HS6ST3: variants seen among roughly 807,000 people sequenced by gnomAD.
HS6ST3 encodes the protein heparan-sulfate 6-O-sulfotransferase 3.
Under a neutral mutation model 36.7 loss-of-function variants are expected in HS6ST3, and 12 were observed. The observed-to-expected ratio is 0.33, with a 90% CI of 0.21 to 0.53. The LOEUF is 0.53. HS6ST3 is among the 20% of genes least tolerant of loss of function. The probability of loss-of-function intolerance (pLI) is 0.95; values close to 1 mark genes in which losing one functional copy is unlikely to be tolerated. For synonymous variants in HS6ST3, 240 were observed against 257.5 expected, an observed-to-expected ratio of 0.93 and a Z score of 0.65; for missense variants, 584 against 640.9, an observed-to-expected ratio of 0.91 and a Z score of 0.96.
intron 1 of HS6ST3, among the ~76,000 whole-genome samples, chr13:96,600,354 A>G (rs1333793607): frequency 6.6e-6 from 1 of 151,660 alleles, no homozygotes; most frequent in Non-Finnish European, 1.5e-5. Flanking sequence ...ACACACACAC[A>G]CACACATATA....
chr13:96,471,407 G>T (rs2055839532), intron 1 of HS6ST3, among the ~76,000 whole-genome samples: 1 of 152,178 alleles, frequency 6.6e-6, no homozygotes, highest in Non-Finnish European at 1.5e-5. Context: ...AGAGACAAGT[G>T]GTAGAAACGT....
chr13:96,111,939 T>C (rs1566884625), intron 1 of HS6ST3, among the ~76,000 whole-genome samples: 1 of 152,172 alleles, frequency 6.6e-6, no homozygotes, highest in Non-Finnish European at 1.5e-5. Context: ...AAGAAATTAC[T>C]AGTCCTTTTT....
chr13:96,255,593 G>A (rs915330437), intron 1 of HS6ST3, among the ~76,000 whole-genome samples: 2 of 152,084 alleles, frequency 1.3e-5, no homozygotes, highest in Non-Finnish European at 2.9e-5. Context: ...TAACATTGGG[G>A]CAGGCCTTCT....
chr13:96,284,910 GCTTTCTTTCTTTCTTT>G (rs71740033), intron 1 of HS6ST3, among the ~76,000 whole-genome samples: 8,425 of 134,364 alleles, frequency 0.063, 360 homozygotes, highest in African/African-American at 0.11. Flanking sequence ...ATGCATATTT[GCTTTCTTTCTTTCTTT>G]CTTTCTTTCT....
At chr13:96,290,926 A>G (rs1180514521) in intron 1 of HS6ST3, among the ~76,000 whole-genome samples, 3 of 152,088 alleles carry the variant, frequency 2.0e-5, no homozygotes, top group Admixed American at 2.0e-4. Flanking sequence ...CCTCTATCCC[A>G]GGGCCTTTGC....
intron 1 of HS6ST3, among the ~76,000 whole-genome samples, chr13:96,454,515 A>G (rs1029143017): frequency 2.0e-5 from 3 of 152,144 alleles, no homozygotes; most frequent in Admixed American, 6.5e-5. Context: ...TACTAACTAT[A>G]TGTCAGATCA....
chr13:96,116,226 G>C (rs974072527), intron 1 of HS6ST3, among the ~76,000 whole-genome samples: 4 of 152,092 alleles, frequency 2.6e-5, no homozygotes, highest in African/African-American at 9.7e-5. Flanking sequence ...TTCACTTACT[G>C]GCTTCTTTTA....
chr13:96,237,725 G>T (rs1484707212), intron 1 of HS6ST3, among the ~76,000 whole-genome samples: 2 of 152,182 alleles, frequency 1.3e-5, no homozygotes, highest in Non-Finnish European at 2.9e-5. Flanking sequence ...AATGAGCTTT[G>T]TATGGGTTAA....
At chr13:96,180,635 G>A (rs548831167) in intron 1 of HS6ST3, among the ~76,000 whole-genome samples, 1 of 152,268 alleles carries the variant, frequency 6.6e-6, no homozygotes, top group Non-Finnish European at 1.5e-5. Flanking sequence ...GAATGATTGA[G>A]TACTTATATG....
intron 1 of HS6ST3, among the ~76,000 whole-genome samples, chr13:96,536,191 G>A (rs1013834297): frequency 2.0e-5 from 3 of 152,096 alleles, no homozygotes; most frequent in African/African-American, 7.2e-5. Context: ...AACATTTTTC[G>A]AAGTTGTTAT....
At chr13:96,549,200 C>CT (rs958030765) in intron 1 of HS6ST3, among the ~76,000 whole-genome samples, 232 of 147,920 alleles carry the variant, frequency 1.6e-3, no homozygotes, top group Non-Finnish European at 2.4e-3. Context: ...CCAGACCTCC[C>CT]TTTTTTTTTT....
At chr13:96,115,343 C>T (rs1017756102) in intron 1 of HS6ST3, among the ~76,000 whole-genome samples, 2 of 152,056 alleles carry the variant, frequency 1.3e-5, no homozygotes, top group Admixed American at 6.6e-5. Flanking sequence ...CATAGGTGTA[C>T]GTGTACCATG....
At chr13:96,174,528 C>G (rs1462600381) in intron 1 of HS6ST3, among the ~76,000 whole-genome samples, 1 of 152,078 alleles carries the variant, frequency 6.6e-6, no homozygotes. Flanking sequence ...TGCCACCATG[C>G]CTGGTATAGT....
In HS6ST3 at chr13:96,823,281, A is replaced by G. The variant is rs546026363; in HGVS notation, c.708-9209A>G. Among the ~76,000 whole-genome samples the G allele has an allele frequency of 5.9e-5, 9 of 152,352 alleles. No individual in the cohort carries two copies. In the South Asian group the frequency reaches 6.2e-4, roughly 11 times the overall value. On this transcript the variant is annotated intron_variant, in intron 1 of 1. Coordinates refer to ENST00000376705, the MANE Select transcript of HS6ST3 (RefSeq NM_153456.4). ...TCCTAGGAATTTATTCTCTGCACAG[A>G]TATTCATGGCTTAGAATGTTCATCA...
intron 1 of HS6ST3, among the ~76,000 whole-genome samples, chr13:96,157,225 T>C (rs1459608626): frequency 6.6e-6 from 1 of 152,208 alleles, no homozygotes; most frequent in Non-Finnish European, 1.5e-5. Flanking sequence ...GGCTCTGGTT[T>C]CTCCAGTTTT....
At position 96,090,330 on chromosome 13, in the gene HS6ST3, CGCCGGGCGCGCGT is replaced by C. The variant is rs925789886; in HGVS notation, c.-522_-510del. ...CAGCCCCGCGACCTGCCGGCAAAGG[CGCCGGGCGCGCGT>C]GCCGGGCGCGGTGCCCGCGGCCGGC... On this transcript the variant is annotated 5_prime_UTR_variant, in exon 1 of 2. Transcript: ENST00000376705. Among the ~76,000 whole-genome samples the C allele has an allele frequency of 2.7e-5, 4 of 147,344 alleles. No individual in the cohort carries two copies. Among genetic ancestry groups the C allele is most frequent in the South Asian group, 2.1e-4 (1 of 4,828 alleles).
chr13:96,147,288 C>T (rs1291072324), intron 1 of HS6ST3, among the ~76,000 whole-genome samples: 1 of 152,138 alleles, frequency 6.6e-6, no homozygotes, highest in Non-Finnish European at 1.5e-5. Flanking sequence ...TTTCAGGTTA[C>T]CCCAAATCAC....
In HS6ST3 at chr13:96,793,981, CATTTT is replaced by C. The variant is rs548576525; in HGVS notation, c.708-38502_708-38498del. ...AAAATATTGTTTAAAGATAATAATGCATTTTATTTTAGTTTTGTCATCATCACCCA... is the reference window on the plus strand; with the variant it reads ...AAAATATTGTTTAAAGATAATAATGCATTTTAGTTTTGTCATCATCACCCA... On this transcript the variant is annotated intron_variant, in intron 1 of 1. Coordinates refer to ENST00000376705, the MANE Select transcript of HS6ST3 (RefSeq NM_153456.4). Among the ~76,000 whole-genome samples, 87 of 152,016 alleles carry C rather than the reference CATTTT, an allele frequency of 5.7e-4. No individual in the cohort carries two copies. The East Asian group carries it at 0.015, about 26-fold the overall frequency.
At chr13:96,440,088 G>A (rs1373108750) in intron 1 of HS6ST3, among the ~76,000 whole-genome samples, 2 of 151,258 alleles carry the variant, frequency 1.3e-5, no homozygotes, top group South Asian at 2.1e-4. Flanking sequence ...TTATATGTGT[G>A]TGTATGTTTG....
Sources: allele counts gnomAD v4.1 joint callset (sites outside exome capture counted in the v4.1 genomes callset), GRCh38; gene constraint gnomAD v4.1.1; transcripts MANE v1.5; gene names NCBI Gene and HGNC (gene_info 2026-07-23, HGNC 2026-07-21).